Variants in CEP112 observed in about 807,000 individuals in gnomAD.
CEP112 encodes the protein centrosomal protein of 112 kDa.
A neutral mutation model predicts 153.0 loss-of-function variants in CEP112; 127 were observed. That is an observed-to-expected ratio of 0.83 (90% confidence interval 0.72 to 0.96). The LOEUF (loss-of-function observed/expected upper bound fraction) is 0.96, where lower values mean the gene tolerates loss of function less well. CEP112 is among the 40% of genes least tolerant of loss of function. The pLI, the probability that CEP112 is intolerant of heterozygous loss-of-function variation, is 0.00. For synonymous variants in CEP112, 358 were observed against 374.4 expected (o/e 0.96, Z 0.51); for missense variants, 1,089 against 1,101.2 (o/e 0.99, Z 0.16).
rs186269310 is a variant in CEP112, at chr17:65,669,654, A to G, written c.2697+19475T>C. Reference sequence around the variant, plus strand: ...TACGGTGGCTCATGCCTGTAATCCCAGCACTTTGGGGGGCCAAGGCGGGTG... The same window carrying G: ...TACGGTGGCTCATGCCTGTAATCCCGGCACTTTGGGGGGCCAAGGCGGGTG... On this transcript the variant is annotated intron_variant, in intron 24 of 26. Transcript: ENST00000535342. 5.2e-3 allele frequency among the ~76,000 whole-genome samples: 788 copies of G among 152,338 alleles called. 7 individuals carry two copies. Among genetic ancestry groups the G allele is most frequent in the African/African-American group, 0.018 (748 of 41,582 alleles).
intron 8 of CEP112, among the ~76,000 whole-genome samples, chr17:66,081,686 G>A (rs1402059003): frequency 6.6e-6 from 1 of 151,790 alleles, no homozygotes. Flanking sequence ...GGAGGCCGAG[G>A]CAGGTGGATC....
intron 23 of CEP112, among the ~76,000 whole-genome samples, chr17:65,738,207 T>C (rs928371548): frequency 1.3e-5 from 2 of 152,138 alleles, no homozygotes; most frequent in Non-Finnish European, 2.9e-5. Context: ...AAACACTGCA[T>C]AGATTGAAAT....
At chr17:66,060,708 G>A (rs1272524791) in intron 11 of CEP112, among the ~76,000 whole-genome samples, 2 of 152,054 alleles carry the variant, frequency 1.3e-5, no homozygotes, top group Non-Finnish European at 2.9e-5. Flanking sequence ...TCCACATGCA[G>A]AACAATGAAA....
rs116339755 is a variant in CEP112, at chr17:66,107,277, C to T, written c.643-10645G>A. On this transcript the variant is annotated intron_variant, in intron 6 of 26. Transcript: ENST00000535342. ...TCATTACTGTTATTCAACATAGTACCGAAAGTCCTAGCTAGAGCAATCAGA... is the reference window on the plus strand; with the variant it reads ...TCATTACTGTTATTCAACATAGTACTGAAAGTCCTAGCTAGAGCAATCAGA... Among the ~76,000 whole-genome samples the T allele has an allele frequency of 9.4e-3, 1,434 of 151,860 alleles. 19 individuals are homozygous for T. The highest frequency in any genetic ancestry group is 0.032 in the African/African-American group (1,312 of 41,468).
chr17:66,059,262 T>A (rs1024715536), intron 11 of CEP112, among the ~76,000 whole-genome samples: 1 of 151,802 alleles, frequency 6.6e-6, no homozygotes, highest in Non-Finnish European at 1.5e-5. Flanking sequence ...TATGATTAAA[T>A]CCCCAAAAGC....
At chr17:66,095,289 TACACACACACACATAC>T (rs1322788845) in intron 8 of CEP112, among the ~76,000 whole-genome samples, 1 of 151,278 alleles carries the variant, frequency 6.6e-6, no homozygotes, top group Non-Finnish European at 1.5e-5. Context: ...TATATACACA[TACACACACACACATAC>T]ACACACACAC....
chr17:66,020,495 CCCAATATAA>C, intron 16 of CEP112, among the ~76,000 whole-genome samples: 1 of 152,188 alleles, frequency 6.6e-6, no homozygotes, highest in African/African-American at 2.4e-5. Flanking sequence ...TAATACCTTC[CCCAATATAA>C]CCATTTAATG....
intron 21 of CEP112, among the ~76,000 whole-genome samples, chr17:65,824,217 T>TAC (rs1254811454): frequency 6.6e-6 from 1 of 152,204 alleles, no homozygotes. Context: ...AATGGAATAC[T>TAC]ACTAAGCAAT....
chr17:65,850,957 A>G (rs1042218666), intron 21 of CEP112, among the ~76,000 whole-genome samples: 2 of 152,242 alleles, frequency 1.3e-5, no homozygotes, highest in Non-Finnish European at 1.5e-5. Flanking sequence ...TTAAAGTACA[A>G]TAAAGCAAGT....
In CEP112 at chr17:65,951,737, T is replaced by TCCCGCGCCCCC. The variant is rs763670851; in HGVS notation, c.1872+9725_1872+9726insGGGGGCGCGGG. Among the ~76,000 whole-genome samples the TCCCGCGCCCCC allele has an allele frequency of 1.9e-4, 18 of 96,922 alleles. 1 individual carries two copies. Among genetic ancestry groups the TCCCGCGCCCCC allele is most frequent in the Admixed American group, 2.9e-4 (2 of 6,970 alleles). 63.6% of individuals were successfully genotyped at this position (96,922 alleles called of 152,430 possible). On this transcript the variant is annotated intron_variant, in intron 18 of 26. Transcript: ENST00000535342. ...CAATCTTAGCTTTCTGCTCTAATCT[T>TCCCGCGCCCCC]CCCCCGCCCCCCCCTTTCTTCCACT...
At chr17:65,936,505 T>C (rs768311964) in intron 18 of CEP112, among the ~76,000 whole-genome samples, 5 of 151,968 alleles carry the variant, frequency 3.3e-5, no homozygotes, top group Non-Finnish European at 5.9e-5. Flanking sequence ...TGAACATAGA[T>C]GCAAAAATCT....
chr17:65,916,169 CACAA>C (rs1412489762), intron 19 of CEP112, among the ~76,000 whole-genome samples: 2 of 151,950 alleles, frequency 1.3e-5, no homozygotes, highest in Non-Finnish European at 2.9e-5. Flanking sequence ...CCCTTTCACT[CACAA>C]ACACTTTAGC....
rs150828907 is a variant in CEP112 at position 65,948,829 on chromosome 17, C to T, written c.1872+12634G>A. On this transcript the variant is annotated intron_variant, in intron 18 of 26. Coordinates refer to ENST00000535342, the MANE Select transcript of CEP112 (RefSeq NM_001199165.4). ...TGTCTCATGGGCTTTATTTTTGAAA[C>T]AGCAATTCTCTTTCTAAAACAAACT... Among the ~76,000 whole-genome samples, 129 of 152,198 alleles carry T rather than the reference C, an allele frequency of 8.5e-4. 1 individual carries two copies. The highest frequency in any genetic ancestry group is 3.0e-3 in the African/African-American group (123 of 41,556).
At chr17:65,874,672 A>AT (rs1342175903) in intron 20 of CEP112, among the ~76,000 whole-genome samples, 1 of 152,068 alleles carries the variant, frequency 6.6e-6, no homozygotes, top group East Asian at 1.9e-4. Flanking sequence ...TATTATGAAA[A>AT]TTTTGACTCA....
At chr17:65,852,385 C>G (rs2057983836) in intron 20 of CEP112, among the ~76,000 whole-genome samples, 1 of 50,168 alleles carries the variant, frequency 2.0e-5, no homozygotes, top group Non-Finnish European at 3.8e-5. Context: ...TTCCTTCCTT[C>G]CCTCCCTCCC....
intron 13 of CEP112, 69 bp from the exon 14 acceptor site, chr17:66,029,321 T>C (rs2065361740): frequency 1.5e-6 from 2 of 1,348,056 alleles, no homozygotes; most frequent in Non-Finnish European, 1.0e-6. Flanking sequence ...AATTTTTTAA[T>C]CAGCTAAATC....
chr17:65,938,430 AAAG>A (rs1568262114), intron 18 of CEP112, among the ~76,000 whole-genome samples: 3 of 148,240 alleles, frequency 2.0e-5, no homozygotes, highest in Non-Finnish European at 3.0e-5. Context: ...AAAAAAAAAA[AAAG>A]AAAGAAAAAA....
chr17:65,843,510 C>T (rs957871081), intron 21 of CEP112, among the ~76,000 whole-genome samples: 1 of 151,956 alleles, frequency 6.6e-6, no homozygotes, highest in Non-Finnish European at 1.5e-5. Flanking sequence ...CCATCTTAAG[C>T]CAAAATGACA....
chr17:66,160,236 G>GGAATCAAT (rs937505971), intron 4 of CEP112, among the ~76,000 whole-genome samples: 1 of 151,978 alleles, frequency 6.6e-6, no homozygotes, highest in Non-Finnish European at 1.5e-5. Context: ...ATGGATAGGA[G>GGAATCAAT]GAATCAATAC....
Sources: allele counts gnomAD v4.1 joint callset (sites outside exome capture counted in the v4.1 genomes callset), GRCh38; gene constraint gnomAD v4.1.1; transcripts MANE v1.5; gene names NCBI Gene and HGNC (gene_info 2026-07-23, HGNC 2026-07-21).